FOXP1: variants seen among roughly 807,000 people sequenced by gnomAD.
FOXP1 encodes forkhead box P1, also known as forkhead box protein P1.
Under a neutral mutation model 98.2 loss-of-function variants are expected in FOXP1, and 15 were observed. That is an observed-to-expected ratio of 0.15 (90% CI 0.10 to 0.24). The LOEUF (loss-of-function observed/expected upper bound fraction) is 0.24. Among genes scored for constraint, FOXP1 ranks in the 10% least tolerant of loss-of-function variants. FOXP1 has a pLI of 1.00. For missense variants in FOXP1, 633 were observed against 848.5 expected (o/e 0.75, Z 3.15); for synonymous variants, 371 against 314.5 (o/e 1.18, Z -1.90).
chr3:71,101,201 G>T (rs2056927511), intron 7 of FOXP1, among the ~76,000 whole-genome samples: 1 of 152,188 alleles, frequency 6.6e-6, no homozygotes, highest in Non-Finnish European at 1.5e-5. Context: ...TGAGTCAAAT[G>T]ACTGTGACTA....
intron 5 of FOXP1, among the ~76,000 whole-genome samples, chr3:71,216,089 A>G (rs929556310): frequency 6.6e-6 from 1 of 152,194 alleles, no homozygotes; most frequent in Non-Finnish European, 1.5e-5. Flanking sequence ...ACTGGACTGA[A>G]CAGGAATCAA....
At chr3:71,582,392 G>A (rs1349939738) in intron 1 of FOXP1, 2 of 981,634 alleles carry the variant, frequency 2.0e-6, no homozygotes, top group Non-Finnish European at 2.4e-6. Flanking sequence ...CCACCGCCGT[G>A]GTCCCCACTC....
chr3:71,014,456 C>T (rs1387560508), intron 12 of FOXP1, among the ~76,000 whole-genome samples: 1 of 152,114 alleles, frequency 6.6e-6, no homozygotes, highest in Non-Finnish European at 1.5e-5. Flanking sequence ...CATCTCACAC[C>T]AGTTAGAATG....
chr3:71,252,179 C>A (rs1163162851), intron 5 of FOXP1, among the ~76,000 whole-genome samples: 1 of 152,172 alleles, frequency 6.6e-6, no homozygotes, highest in African/African-American at 2.4e-5. Context: ...CCTTTAAATG[C>A]AACCATGTAG....
At chr3:71,231,017 G>A (rs939843) in intron 5 of FOXP1, among the ~76,000 whole-genome samples, 2,088 of 152,136 alleles carry the variant, frequency 0.014, 37 homozygotes, top group African/African-American at 0.048. Context: ...TTTTCCCTCC[G>A]CTCTTTAATC....
chr3:71,319,878 C>T (rs1026588814), intron 4 of FOXP1, among the ~76,000 whole-genome samples: 5 of 152,276 alleles, frequency 3.3e-5, no homozygotes, highest in South Asian at 2.1e-4. Flanking sequence ...GCTACCACCA[C>T]ACGCCTAGCC....
chr3:71,196,303 G>A (rs971631431), intron 6 of FOXP1, among the ~76,000 whole-genome samples: 2 of 152,188 alleles, frequency 1.3e-5, no homozygotes, highest in African/African-American at 4.8e-5. Flanking sequence ...TACTTTTTAA[G>A]GAAGATGTTG....
intron 14 of FOXP1, among the ~76,000 whole-genome samples, chr3:70,979,987 G>A (rs1037017257): frequency 5.9e-5 from 9 of 152,220 alleles, no homozygotes; most frequent in Admixed American, 2.0e-4. Context: ...ATGTTGTCTC[G>A]GTGAGCAAGA....
intron 4 of FOXP1, chr3:71,333,230 A>G (rs1194931355): frequency 6.6e-6 from 1 of 152,206 alleles, no homozygotes; most frequent in Non-Finnish European, 1.5e-5. Context: ...GATATTTTAG[A>G]AAGCATGCCA....
rs551131729 is a variant in FOXP1 at position 71,568,332 on chromosome 3, G to A, written c.-298+13217C>T. Among the ~76,000 whole-genome samples the A allele has an allele frequency of 2.0e-5, 3 of 152,278 alleles. 1 individual carries two copies. The South Asian group carries it at 6.2e-4, about 32-fold the overall frequency. ...TGCAAGCTGTACAGGAGGGCCTCAGGCTGCTATGCCTGTCCCAACCTGGTC... is the reference window on the plus strand; with the variant it reads ...TGCAAGCTGTACAGGAGGGCCTCAGACTGCTATGCCTGTCCCAACCTGGTC... On this transcript the variant is annotated intron_variant, in intron 2 of 20. Transcript: ENST00000649528.
At position 71,443,153 on chromosome 3, in the gene FOXP1, C is replaced by T. The variant is rs150970392; in HGVS notation, c.-168+50273G>A. On this transcript the variant is annotated intron_variant, in intron 3 of 20. Transcript: ENST00000649528. Reference sequence around the variant, plus strand: ...AGGTGATCCACCCGCCTCGGCCTCCCAAAGTGCTGGAATCACAGGCGTGAG... The same window carrying T: ...AGGTGATCCACCCGCCTCGGCCTCCTAAAGTGCTGGAATCACAGGCGTGAG... Among the ~76,000 whole-genome samples, 113 of 152,314 alleles carry T rather than the reference C, an allele frequency of 7.4e-4. 2 individuals are homozygous for T. The highest frequency in any genetic ancestry group is 2.5e-3 in the African/African-American group (102 of 41,576).
At chr3:71,196,823 T>C (rs2063331541) in intron 6 of FOXP1, among the ~76,000 whole-genome samples, 1 of 152,192 alleles carries the variant, frequency 6.6e-6, no homozygotes, top group South Asian at 2.1e-4. Flanking sequence ...AAATTCCAGC[T>C]GAAGTGAGCC....
At chr3:71,196,698 A>T (rs866707210) in intron 6 of FOXP1, among the ~76,000 whole-genome samples, 2 of 152,200 alleles carry the variant, frequency 1.3e-5, no homozygotes, top group African/African-American at 2.4e-5. Context: ...ACTTGCACAA[A>T]TACACGGAGA....
chr3:71,133,993 G>C (rs182978656), intron 6 of FOXP1, among the ~76,000 whole-genome samples: 2 of 152,222 alleles, frequency 1.3e-5, no homozygotes, highest in African/African-American at 2.4e-5. Context: ...AAACGGGAAG[G>C]CTTGGGTGTC....
chr3:71,068,437 A>G (rs2052818154), intron 7 of FOXP1, among the ~76,000 whole-genome samples: 1 of 152,164 alleles, frequency 6.6e-6, no homozygotes, highest in Admixed American at 6.5e-5. Flanking sequence ...TATTCCATAC[A>G]CTGATGAATG....
At chr3:71,137,792 A>ATTTATTTAT (rs11403348) in intron 6 of FOXP1, among the ~76,000 whole-genome samples, 1 of 138,782 alleles carries the variant, frequency 7.2e-6, no homozygotes, top group Non-Finnish European at 1.6e-5. Context: ...TTATTTATTT[A>ATTTATTTAT]TTATTATTTT....
intron 17 of FOXP1, 75 bp downstream of exon 17, chr3:70,976,866 C>A (rs1417242663): frequency 9.3e-7 from 1 of 1,069,746 alleles, no homozygotes; most frequent in Non-Finnish European, 1.5e-6. Context: ...CCTTATAGCA[C>A]AACTGCATTT....
intron 3 of FOXP1, among the ~76,000 whole-genome samples, chr3:71,430,265 T>G (rs924338895): frequency 6.6e-6 from 1 of 152,200 alleles, no homozygotes; most frequent in East Asian, 1.9e-4. Context: ...CGGTCCTTAC[T>G]TATAAAATAA....
intron 4 of FOXP1, among the ~76,000 whole-genome samples, chr3:71,337,627 G>T (rs1486750921): frequency 6.6e-6 from 1 of 152,166 alleles, no homozygotes; most frequent in Non-Finnish European, 1.5e-5. Context: ...CCTTCCAGAA[G>T]ATTGATCAAT....
Sources: gnomAD v4.1 joint callset for allele counts (sites outside exome capture counted in the v4.1 genomes callset) on GRCh38, gnomAD v4.1.1 for gene constraint, MANE v1.5 for transcripts, NCBI Gene and HGNC (gene_info 2026-07-23, HGNC 2026-07-21) for gene names.